CERKL: variants seen among roughly 807,000 people sequenced by gnomAD.
CERKL encodes the protein CERK like autophagy regulator, also known as ceramide kinase-like protein.
CERKL carries 61 observed loss-of-function variants against 63.4 expected under a neutral mutation model. That is an observed-to-expected ratio of 0.96 (90% confidence interval 0.78 to 1.19). The LOEUF is 1.19. Ranked by LOEUF, CERKL falls within the 50% of genes most tolerant of loss-of-function variation. The probability of loss-of-function intolerance (pLI) is 0.00; values close to 1 mark genes in which losing one functional copy is unlikely to be tolerated. For synonymous variants in CERKL, 250 were observed against 230.5 expected (o/e 1.08, Z -0.77); for missense variants, 675 against 655.5 (o/e 1.03, Z -0.33).
intron 1 of CERKL, among the ~76,000 whole-genome samples, chr2:181,606,773 T>C (rs1333615104): frequency 6.6e-6 from 1 of 152,122 alleles, no homozygotes; most frequent in East Asian, 1.9e-4. Flanking sequence ...CTCTTTTTCC[T>C]TCAGGTATCA....
intron 2 of CERKL, among the ~76,000 whole-genome samples, chr2:181,596,872 C>CG (rs1415198381): frequency 2.0e-5 from 3 of 152,102 alleles, no homozygotes; most frequent in Non-Finnish European, 4.4e-5. Context: ...TCTCAATCCT[C>CG]GGACTCAGGA....
Position 181,547,898 on chromosome 2 carries a change from G to T in CERKL, c.1134-51C>A, listed in dbSNP as rs62189984. The T allele has an allele frequency of 2.5e-5, 19 of 760,648 alleles. 1 individual carries two copies. In the Admixed American group the frequency reaches 7.4e-4, roughly 30 times the overall value. The allele number at this position is 760,648 out of a possible 1,614,324, so 47.1% of individuals were successfully genotyped here. A position where few individuals can be genotyped will look rare whatever the true frequency, so the allele number is the denominator to read the frequency against. ...ACATAAAACAGATAACGCGCGCACAGACACACAGACACACACAAATCTATT... is the reference window on the plus strand; with the variant it reads ...ACATAAAACAGATAACGCGCGCACATACACACAGACACACACAAATCTATT... On this transcript the variant is annotated intron_variant, in intron 8 of 12. Transcript: ENST00000410087.
chr2:181,627,441 A>G (rs1686760435), intron 1 of CERKL, among the ~76,000 whole-genome samples: 1 of 152,236 alleles, frequency 6.6e-6, no homozygotes, highest in Admixed American at 6.5e-5. Flanking sequence ...GAGTTGCCTC[A>G]TGTGATGCTG....
intron 1 of CERKL, among the ~76,000 whole-genome samples, chr2:181,604,933 A>G (rs912690943): frequency 1.3e-5 from 2 of 152,208 alleles, no homozygotes; most frequent in African/African-American, 4.8e-5. Flanking sequence ...ATTATTGTGG[A>G]AAAGACCATT....
chr2:181,551,152 G>A (rs1273683332), intron 5 of CERKL, among the ~76,000 whole-genome samples: 1 of 152,108 alleles, frequency 6.6e-6, no homozygotes, highest in African/African-American at 2.4e-5. Flanking sequence ...CATAAATACG[G>A]AAGCTAAATT....
intron 1 of CERKL, among the ~76,000 whole-genome samples, chr2:181,635,967 A>T (rs1687162979): frequency 6.6e-6 from 1 of 152,192 alleles, no homozygotes; most frequent in Non-Finnish European, 1.5e-5. Flanking sequence ...TTAAACTATG[A>T]TTATTTTTAA....
intron 11 of CERKL, among the ~76,000 whole-genome samples, chr2:181,542,123 C>G (rs1269112312): frequency 1.3e-5 from 2 of 152,034 alleles, no homozygotes; most frequent in African/African-American, 2.4e-5. Context: ...AACTCCCTAC[C>G]AAAAATGGTC....
At position 181,603,990 on chromosome 2, in the gene CERKL, TAACAG is replaced by T. The variant is rs1685567937; in HGVS notation, c.323_327del (p.Ser108Ter). The stretch of plus-strand genomic sequence containing the variant: ...AATAAAGTACCACTTCTCTGCTGTT[TAACAG>T]AACAACGCCGTTTCAGTTTCACAGA... On this transcript the variant is annotated frameshift_variant, in exon 2 of 13. Coordinates refer to ENST00000410087, the MANE Select transcript of CERKL (RefSeq NM_201548.5). LOFTEE classifies it high-confidence loss of function. 6.2e-7 allele frequency: 1 copy of T among 1,613,376 alleles called. No individual in the cohort carries two copies. The highest frequency in any genetic ancestry group is 8.5e-7 in the Non-Finnish European group (1 of 1,179,630).
At chr2:181,655,231 T>C (rs1344957845) in intron 1 of CERKL, among the ~76,000 whole-genome samples, 1 of 152,260 alleles carries the variant, frequency 6.6e-6, no homozygotes, top group African/African-American at 2.4e-5. Context: ...TATTTTACCT[T>C]AATCACCACT....
chr2:181,573,548 C>A (rs1688998533), intron 3 of CERKL, among the ~76,000 whole-genome samples: 1 of 151,866 alleles, frequency 6.6e-6, no homozygotes, highest in Admixed American at 6.6e-5. Context: ...TGAAAAAATT[C>A]TAAAGAGAAA....
intron 4 of CERKL, among the ~76,000 whole-genome samples, chr2:181,559,080 C>T (rs1688327095): frequency 2.6e-5 from 4 of 152,114 alleles, no homozygotes; most frequent in Non-Finnish European, 5.9e-5. Context: ...TAACTAACAC[C>T]AACCAAAGTC....
chr2:181,651,343 C>T (rs1687929134), intron 1 of CERKL, among the ~76,000 whole-genome samples: 1 of 152,200 alleles, frequency 6.6e-6, no homozygotes, highest in Non-Finnish European at 1.5e-5. Context: ...CGATTCATCA[C>T]TGGGATCAGA....
chr2:181,557,283 G>GC (rs1482346549), intron 5 of CERKL, among the ~76,000 whole-genome samples: 1 of 152,118 alleles, frequency 6.6e-6, no homozygotes, highest in Non-Finnish European at 1.5e-5. Context: ...TGTTGCCATT[G>GC]CTTTTGGTGT....
At chr2:181,650,953 C>G (rs10201723) in intron 1 of CERKL, among the ~76,000 whole-genome samples, 108,636 of 151,772 alleles carry the variant, frequency 0.72, 39,730 homozygotes, top group East Asian at 0.92. Flanking sequence ...ACGAAGTCCC[C>G]GACACATACA....
intron 2 of CERKL, among the ~76,000 whole-genome samples, chr2:181,590,528 T>C (rs922765491): frequency 1.3e-5 from 2 of 152,110 alleles, no homozygotes; most frequent in South Asian, 2.1e-4. Flanking sequence ...ATTTGTAACA[T>C]ATCAAATAAA....
intron 5 of CERKL, among the ~76,000 whole-genome samples, chr2:181,554,291 T>C (rs1275149057): frequency 6.6e-6 from 1 of 151,860 alleles, no homozygotes; most frequent in African/African-American, 2.4e-5. Context: ...AACAGATAAA[T>C]GTGATGTAAT....
intron 1 of CERKL, among the ~76,000 whole-genome samples, chr2:181,613,632 GAAGA>G (rs1335526302): frequency 2.6e-5 from 4 of 152,208 alleles, no homozygotes; most frequent in African/African-American, 9.6e-5. Flanking sequence ...TATAGGCTTA[GAAGA>G]AATATTTAGT....
At chr2:181,639,228 T>C (rs1218444679) in intron 1 of CERKL, among the ~76,000 whole-genome samples, 1 of 152,168 alleles carries the variant, frequency 6.6e-6, no homozygotes, top group African/African-American at 2.4e-5. Context: ...GATGAAATTA[T>C]ATGATGCCTA....
chr2:181,573,725 G>GTGAAATTATATTC, intron 3 of CERKL, 28 bp downstream of exon 3: 1 of 1,602,976 alleles, frequency 6.2e-7, no homozygotes, highest in South Asian at 1.1e-5. Context: ...TTTGTAGATG[G>GTGAAATTATATTC]TGAAATTATA....
Sources: allele counts gnomAD v4.1 joint callset (sites outside exome capture counted in the v4.1 genomes callset), GRCh38; gene constraint gnomAD v4.1.1; transcripts MANE v1.5; gene names NCBI Gene and HGNC (gene_info 2026-07-23, HGNC 2026-07-21).